Variants in AREL1 observed in about 807,000 individuals in gnomAD.
AREL1 encodes apoptosis resistant E3 ubiquitin protein ligase 1, also known as apoptosis-resistant E3 ubiquitin protein ligase 1.
A neutral mutation model predicts 99.0 loss-of-function variants in AREL1; 62 were observed. That is an observed-to-expected ratio of 0.63 (90% CI 0.51 to 0.77). The LOEUF (loss-of-function observed/expected upper bound fraction) is 0.77. Ranked by LOEUF, AREL1 falls within the 30% of genes least tolerant of loss-of-function variation. The pLI is 0.00. For missense variants in AREL1, 879 were observed against 1,027.6 expected (o/e 0.86, Z 1.98); for synonymous variants, 380 against 376.5 (o/e 1.01, Z -0.11).
rs1238179390 is a variant in AREL1 at position 74,663,454 on chromosome 14, TA to T, written c.*265del. 3 of 469,390 alleles carry T rather than the reference TA, an allele frequency of 6.4e-6. No individual in the cohort carries two copies. Among genetic ancestry groups the T allele is most frequent in the Non-Finnish European group, 1.2e-5 (3 of 253,932 alleles). The allele number at this position is 469,390 out of a possible 1,614,324, so 29.1% of individuals were successfully genotyped here. On this transcript the variant is annotated 3_prime_UTR_variant, in exon 20 of 20. Transcript: ENST00000356357. ...CTACTGAGATCTTCAAAGGACCAAA[TA>T]AATGATAGCAGCATGGTCCTCTTCT... is the stretch of plus-strand genomic sequence containing the variant.
Position 74,674,016 on chromosome 14 carries a change from A to AT in AREL1, c.1158+17dup. ...ATGAAGCATGCTTGATGTGAACCAG[A>AT]TGTAAGGTTCAGCTTACTTTTGTTC... On this transcript the variant is annotated intron_variant, in intron 9 of 19. Transcript: ENST00000356357. The AT allele has an allele frequency of 6.3e-7, 1 of 1,593,686 alleles. No homozygotes were observed. The highest frequency in any genetic ancestry group is 8.6e-7 in the Non-Finnish European group (1 of 1,161,758).
chr14:74,672,901 C>T lies in AREL1; in HGVS notation c.1352G>A (p.Arg451Gln), dbSNP rs868560317. 10 of 1,614,106 alleles carry T rather than the reference C, an allele frequency of 6.2e-6. No homozygotes were observed. Among genetic ancestry groups the T allele is most frequent in the South Asian group, 2.2e-5 (2 of 91,074 alleles). Reference sequence around the variant, plus strand: ...ATGTGGTCTTTTCATATGTACCTGCCGAAGCTCTCGCTGGAAAAAGTTCAC... The same window carrying T: ...ATGTGGTCTTTTCATATGTACCTGCTGAAGCTCTCGCTGGAAAAAGTTCAC... ...DKVNFFQRELRQVHMKRPHSK... is the reference protein window; with the variant it reads ...DKVNFFQRELQQVHMKRPHSK... The change falls in exon 11 of 20, where the codon CGG becomes CAG. Residue 451 changes from arginine (R) to glutamine (Q), a missense_variant. Arg to Gln is a conservative substitution (Grantham distance 43). Transcript: ENST00000356357.
At chr14:74,671,291 T>C (rs961144956) in intron 12 of AREL1, 117 bp downstream of exon 12, 2 of 414,904 alleles carry the variant, frequency 4.8e-6, no homozygotes, top group Middle Eastern at 7.2e-4. Context: ...AGGTTTTTTT[T>C]TTTAGGGAGT....
rs765839415 is a variant in AREL1 at position 74,664,940 on chromosome 14, T to A, written c.2104-15A>T. The A allele has an allele frequency of 1.9e-6, 3 of 1,610,260 alleles. No individual in the cohort carries two copies. The highest frequency in any genetic ancestry group is 1.7e-6 in the Non-Finnish European group (2 of 1,177,064). ...CACATCAGCAGCTGGAAAAAGATGG[T>A]AAGGTGTTACTATGACAGTCAGAGA... On this transcript the variant is annotated splice_polypyrimidine_tract_variant and intron_variant, in intron 17 of 19. Transcript: ENST00000356357.
chr14:74,664,777 T>C, intron 18 of AREL1, 59 bp downstream of exon 18: 1 of 1,528,410 alleles, frequency 6.5e-7, no homozygotes. Flanking sequence ...TTTTTTCTTC[T>C]GAAACTTTTT....
intron 2 of AREL1, among the ~76,000 whole-genome samples, chr14:74,686,704 G>C (rs2089756067): frequency 6.6e-6 from 1 of 152,042 alleles, no homozygotes; most frequent in Non-Finnish European, 1.5e-5. Flanking sequence ...TGCTTGCTTA[G>C]TTCCTCTGAT....
chr14:74,711,855 G>A (rs1309325811), intron 1 of AREL1: 5 of 151,906 alleles, frequency 3.3e-5, no homozygotes, highest in Non-Finnish European at 7.4e-5. Flanking sequence ...AGACTCCAAA[G>A]TTCGTGTTAA....
chr14:74,672,877 T>C lies in AREL1; in HGVS notation c.1376A>G (p.His459Arg), dbSNP rs374828033. 5.0e-6 allele frequency: 8 copies of C among 1,614,140 alleles called. No individual in the cohort carries two copies. The African/African-American group carries it at 9.3e-5, about 19-fold the overall frequency. The change falls in exon 11 of 20, where the codon CAT becomes CGT. Residue 459 changes from histidine (H) to arginine (R), a missense_variant. By Grantham distance (29) the His-to-Arg change is conservative (BLOSUM62 0). Coordinates refer to ENST00000356357, the MANE Select transcript of AREL1 (RefSeq NM_001039479.2). ...ELRQVHMKRPHSKVTLKVSRH... is the reference protein window; with the variant it reads ...ELRQVHMKRPRSKVTLKVSRH... The stretch of plus-strand genomic sequence containing the variant: ...GCTGACCTTCAGGGTGACTTTGGAA[T>C]GTGGTCTTTTCATATGTACCTGCCG...
At chr14:74,704,168 G>A (rs1428040478) in intron 1 of AREL1, among the ~76,000 whole-genome samples, 2 of 151,586 alleles carry the variant, frequency 1.3e-5, no homozygotes, top group Non-Finnish European at 2.9e-5. Context: ...TTTAAAAATC[G>A]AGCTGTTTGT....
At chr14:74,673,709 T>A (rs1317133884) in intron 9 of AREL1, among the ~76,000 whole-genome samples, 1 of 152,028 alleles carries the variant, frequency 6.6e-6, no homozygotes, top group Non-Finnish European at 1.5e-5. Flanking sequence ...CTAAAAGGAG[T>A]TAGCTTCAGC....
At chr14:74,664,356 G>C (rs2089159065) in intron 18 of AREL1, among the ~76,000 whole-genome samples, 1 of 151,752 alleles carries the variant, frequency 6.6e-6, no homozygotes, top group Non-Finnish European at 1.5e-5. Context: ...CTTCTGCCTG[G>C]ACAACCACCT....
chr14:74,673,896 C>T (rs1594759427), intron 9 of AREL1, 138 bp downstream of exon 9: 1 of 630,794 alleles, frequency 1.6e-6, no homozygotes, highest in Non-Finnish European at 2.7e-6. Flanking sequence ...GATAATGATG[C>T]TTTATTTGGC....
At position 74,692,191 on chromosome 14, in the gene AREL1, T is replaced by C; in HGVS notation, c.-196A>G. 1 of 454,536 alleles carries C rather than the reference T, an allele frequency of 2.2e-6. No individual in the cohort carries two copies. The highest frequency in any genetic ancestry group is 4.4e-6 in the Non-Finnish European group (1 of 226,510). 28.2% of individuals were successfully genotyped at this position (454,536 alleles called of 1,614,324 possible). A position where few individuals can be genotyped will look rare whatever the true frequency, so the allele number is the denominator to read the frequency against. On this transcript the variant is annotated 5_prime_UTR_variant, in exon 2 of 20. Transcript: ENST00000356357. Reference sequence around the variant, plus strand: ...CAGAAAGGGTCTATCCATCAGACTTTGTCACAGTAATCAGGTCAGTGTTTC... The same window carrying C: ...CAGAAAGGGTCTATCCATCAGACTTCGTCACAGTAATCAGGTCAGTGTTTC...
Position 74,669,630 on chromosome 14 carries a change from G to A in AREL1, c.1914+19C>T. 6.2e-7 allele frequency: 1 copy of A among 1,612,604 alleles called. No homozygotes were observed. The highest frequency in any genetic ancestry group is 8.5e-7 in the Non-Finnish European group (1 of 1,179,312). The stretch of plus-strand genomic sequence containing the variant: ...AAACTGGAGAACATAGGACCCAGAG[G>A]CTTTGTCCTCTTTCTCACCTTATCC... On this transcript the variant is annotated intron_variant, in intron 15 of 19. Transcript: ENST00000356357.
chr14:74,693,979 C>T (rs1194967274), intron 1 of AREL1, among the ~76,000 whole-genome samples: 4 of 152,090 alleles, frequency 2.6e-5, no homozygotes, highest in Admixed American at 6.6e-5. Flanking sequence ...GAGTTCAAGA[C>T]CAGCCTGGGC....
intron 1 of AREL1, among the ~76,000 whole-genome samples, chr14:74,694,233 C>CG: frequency 1.3e-5 from 2 of 152,160 alleles, no homozygotes; most frequent in South Asian, 4.2e-4. Flanking sequence ...AGTACAAGAG[C>CG]CAAAACCTGG....
At chr14:74,706,957 G>GT (rs1287882293) in intron 1 of AREL1, among the ~76,000 whole-genome samples, 1 of 152,162 alleles carries the variant, frequency 6.6e-6, no homozygotes, top group Admixed American at 6.5e-5. Flanking sequence ...TACCTATGAA[G>GT]TATTACTTAT....
rs774600179 is a variant in AREL1, at chr14:74,663,799, G to T, written c.2393C>A (p.Thr798Lys). 5.0e-6 allele frequency: 8 copies of T among 1,614,192 alleles called. No individual in the cohort carries two copies. The East Asian group carries it at 1.8e-4, about 36-fold the overall frequency. The change falls in exon 20 of 20, where the codon ACA becomes AAA. Residue 798 changes from threonine (T) to lysine (K), a missense_variant. Thr to Lys is a moderately conservative substitution (Grantham distance 78). Coordinates refer to ENST00000356357, the MANE Select transcript of AREL1 (RefSeq NM_001039479.2). ...HTCFNQLCLPTYDSYEEVHRM... is the reference protein window; with the variant it reads ...HTCFNQLCLPKYDSYEEVHRM... The stretch of plus-strand genomic sequence containing the variant: ...GTGCACCTCTTCATAGGAGTCATAT[G>T]TAGGGAGGCACAGCTGGTTAAAACT...
intron 4 of AREL1, among the ~76,000 whole-genome samples, chr14:74,684,139 T>C (rs1462982724): frequency 6.6e-6 from 1 of 152,202 alleles, no homozygotes; most frequent in Non-Finnish European, 1.5e-5. Context: ...GTGGCTGTGT[T>C]CCAAGACAAA....
Sources: gnomAD v4.1 joint callset for allele counts (sites outside exome capture counted in the v4.1 genomes callset) on GRCh38, gnomAD v4.1.1 for gene constraint, MANE v1.5 for transcripts, NCBI Gene and HGNC (gene_info 2026-07-23, HGNC 2026-07-21) for gene names.